Variants in ADGB observed in about 807,000 individuals in gnomAD.
ADGB encodes calpain-7-like protein.
In ADGB, 172 loss-of-function variants were observed where a neutral mutation model predicts 210.5. The observed-to-expected ratio is 0.82, with a 90% CI of 0.72 to 0.93. The LOEUF (loss-of-function observed/expected upper bound fraction) is 0.93, where lower values mean the gene tolerates loss of function less well. Ranked by LOEUF, ADGB falls within the 40% of genes least tolerant of loss-of-function variation. The probability of loss-of-function intolerance (pLI) is 0.00; values close to 1 mark genes in which losing one functional copy is unlikely to be tolerated. For synonymous variants in ADGB, 658 were observed against 662.7 expected, an observed-to-expected ratio of 0.99 and a Z score of 0.11; for missense variants, 2,025 against 1,964.8, an observed-to-expected ratio of 1.03 and a Z score of -0.58.
At chr6:146,686,495 A>G (rs1308788399) in intron 10 of ADGB, among the ~76,000 whole-genome samples, 2 of 152,090 alleles carry the variant, frequency 1.3e-5, no homozygotes, top group Non-Finnish European at 2.9e-5. Flanking sequence ...ACTTTATGTT[A>G]CATTTGAAAA....
chr6:146,641,962 C>G lies in ADGB; in HGVS notation c.238-2811C>G, dbSNP rs146055283. ...CAAAAGAAACTATCAACAGAGTAAA[C>G]AGACAAACTACAGAATGGGAGAAAA... On this transcript the variant is annotated intron_variant, in intron 2 of 35. Transcript: ENST00000397944. Among the ~76,000 whole-genome samples, 191 of 152,138 alleles carry G rather than the reference C, an allele frequency of 1.3e-3. 6 individuals are homozygous for G. In the East Asian group the frequency reaches 0.033, roughly 26 times the overall value.
chr6:146,770,640 T>A (rs1391157925), intron 29 of ADGB: 1 of 464,368 alleles, frequency 2.2e-6, no homozygotes, highest in Admixed American at 2.4e-5. Flanking sequence ...CATCCTGGCC[T>A]GCTGTGTGGG....
intron 1 of ADGB, among the ~76,000 whole-genome samples, chr6:146,622,159 G>A (rs1780903478): frequency 1.3e-5 from 2 of 152,024 alleles, no homozygotes; most frequent in Non-Finnish European, 2.9e-5. Flanking sequence ...ACCTATTCAT[G>A]TGTTTATTTG....
At chr6:146,619,484 A>G (rs1348608453) in intron 1 of ADGB, among the ~76,000 whole-genome samples, 2 of 152,062 alleles carry the variant, frequency 1.3e-5, no homozygotes, top group Non-Finnish European at 1.5e-5. Flanking sequence ...TTATAGCTAA[A>G]TAAGTTTCAC....
intron 5 of ADGB, among the ~76,000 whole-genome samples, chr6:146,657,977 G>A (rs1459809710): frequency 2.0e-5 from 3 of 152,140 alleles, no homozygotes; most frequent in African/African-American, 7.2e-5. Flanking sequence ...CTTGGCCCTT[G>A]TCACTGGAAA....
chr6:146,733,229 A>G lies in ADGB; in HGVS notation c.2630A>G (p.Asn877Ser), dbSNP rs530334990. 26 of 1,537,806 alleles carry G rather than the reference A, an allele frequency of 1.7e-5. No homozygotes were observed. In the African/African-American group the frequency reaches 2.3e-4, roughly 14 times the overall value. ...RAMVLDLELL[N>S]SSLEEVSLVE... is the part of the protein sequence containing the mutation. ...ATGGTTTTGGACTTGGAGTTACTCA[A>G]TTCCTCCTTGGAAGAGGTTTCTTTA... Residue 877 changes from asparagine (N) to serine (S), a missense_variant, in exon 21 of 36, where the codon AAT becomes AGT. By Grantham distance (46) the Asn-to-Ser change is conservative. Transcript: ENST00000397944.
intron 22 of ADGB, among the ~76,000 whole-genome samples, chr6:146,735,048 AG>A (rs1777059371): frequency 6.6e-6 from 1 of 151,926 alleles, no homozygotes; most frequent in Non-Finnish European, 1.5e-5. Context: ...TAAAAAAAAA[AG>A]AATCTATTTA....
At position 146,634,304 on chromosome 6, in the gene ADGB, C is replaced by T. The variant is rs147263513; in HGVS notation, c.75-1071C>T. Among the ~76,000 whole-genome samples, 718 of 152,196 alleles carry T rather than the reference C, an allele frequency of 4.7e-3. 3 individuals are homozygous for T. Among genetic ancestry groups the T allele is most frequent in the African/African-American group, 0.016 (684 of 41,534 alleles). On this transcript the variant is annotated intron_variant, in intron 1 of 35. Coordinates refer to ENST00000397944, the MANE Select transcript of ADGB (RefSeq NM_024694.4). ...GAGGGACAACAAACTTGCCTAGCAACGGATATCTTAGAATGTATCCTTGTT... is the reference window on the plus strand; with the variant it reads ...GAGGGACAACAAACTTGCCTAGCAATGGATATCTTAGAATGTATCCTTGTT...
intron 29 of ADGB, among the ~76,000 whole-genome samples, chr6:146,781,322 G>A (rs1002663637): frequency 6.0e-5 from 9 of 150,390 alleles, no homozygotes; most frequent in South Asian, 2.1e-4. Context: ...CAGCCTGGGC[G>A]ACAGAGTGAG....
At chr6:146,763,731 T>G (rs1445457389) in intron 27 of ADGB, among the ~76,000 whole-genome samples, 170 bp from the exon 28 acceptor site, 1 of 152,206 alleles carries the variant, frequency 6.6e-6, no homozygotes, top group Non-Finnish European at 1.5e-5. Context: ...CATACTATTA[T>G]AATAGATTTC....
chr6:146,731,406 C>T (rs372530399), intron 20 of ADGB, among the ~76,000 whole-genome samples: 4 of 151,754 alleles, frequency 2.6e-5, no homozygotes, highest in Admixed American at 2.0e-4. Flanking sequence ...GCCTTGAGGC[C>T]GCAATCCGTA....
At chr6:146,637,881 C>A (rs540550083) in intron 2 of ADGB, among the ~76,000 whole-genome samples, 69 of 152,116 alleles carry the variant, frequency 4.5e-4, no homozygotes, top group African/African-American at 1.1e-3. Flanking sequence ...CTCCCCAACT[C>A]ATTCCATGAG....
intron 2 of ADGB, among the ~76,000 whole-genome samples, chr6:146,638,536 T>C (rs562733097): frequency 7.8e-6 from 1 of 128,698 alleles, no homozygotes; most frequent in East Asian, 2.3e-4. Flanking sequence ...TTCTCACTCA[T>C]AGGTGGGAAA....
intron 23 of ADGB, among the ~76,000 whole-genome samples, 199 bp downstream of exon 23, chr6:146,736,790 C>T (rs1777085882): frequency 6.6e-6 from 1 of 152,074 alleles, no homozygotes; most frequent in East Asian, 1.9e-4. Context: ...TTGCACATAA[C>T]TAAAATTCTA....
At chr6:146,676,826 C>A (rs879874838) in intron 9 of ADGB, among the ~76,000 whole-genome samples, 4 of 152,226 alleles carry the variant, frequency 2.6e-5, no homozygotes, top group Non-Finnish European at 5.9e-5. Flanking sequence ...TGGCTCCTTG[C>A]TCACAGTGGG....
intron 7 of ADGB, among the ~76,000 whole-genome samples, chr6:146,670,329 G>A (rs1328738266): frequency 1.3e-5 from 2 of 152,154 alleles, no homozygotes; most frequent in African/African-American, 4.8e-5. Context: ...GATTCACACA[G>A]TCTCTGACCT....
rs1380045138 is a variant in ADGB at position 146,736,608 on chromosome 6, A to C, written c.2888+17A>C. 1 of 1,495,228 alleles carries C rather than the reference A, an allele frequency of 6.7e-7. No individual in the cohort carries two copies. Among genetic ancestry groups the C allele is most frequent in the East Asian group, 2.5e-5 (1 of 40,530 alleles). The allele number at this position is 1,495,228 out of a possible 1,614,324, so 92.6% of individuals were successfully genotyped here. A position where few individuals can be genotyped will look rare whatever the true frequency, so the allele number is the denominator to read the frequency against. ...TCTCTTAAGGTAAAGCAGTCAAATG[A>C]TATTTTTATTGCAGTATATTGTCCT... On this transcript the variant is annotated intron_variant, in intron 23 of 35. Coordinates refer to ENST00000397944, the MANE Select transcript of ADGB (RefSeq NM_024694.4).
intron 35 of ADGB, chr6:146,803,310 G>A: frequency 6.2e-7 from 1 of 1,607,650 alleles, no homozygotes; most frequent in Non-Finnish European, 8.5e-7. Flanking sequence ...TGGGCTTTCT[G>A]TCTGTGAAGA....
At chr6:146,751,148 G>T (rs1310577665) in intron 26 of ADGB, among the ~76,000 whole-genome samples, 1 of 129,428 alleles carries the variant, frequency 7.7e-6, no homozygotes, top group Non-Finnish European at 1.6e-5. Context: ...CCCGCAACAT[G>T]CCCTAGAGTA....
Sources: allele counts gnomAD v4.1 joint callset (sites outside exome capture counted in the v4.1 genomes callset), GRCh38; gene constraint gnomAD v4.1.1; transcripts MANE v1.5; gene names NCBI Gene and HGNC (gene_info 2026-07-23, HGNC 2026-07-21).